The following CDYL variants were observed in gnomAD, a reference collection of about 807,000 sequenced individuals.
CDYL encodes chromodomain Y like, also known as chromodomain Y-like protein.
Under a neutral mutation model 47.3 loss-of-function variants are expected in CDYL, and 8 were observed. The observed-to-expected ratio is 0.17, with a 90% CI of 0.10 to 0.31. The LOEUF (loss-of-function observed/expected upper bound fraction) is 0.31. CDYL is among the 10% of genes least tolerant of loss of function. The pLI, the probability that CDYL is intolerant of heterozygous loss-of-function variation, is 1.00. For missense variants in CDYL, 471 were observed against 701.4 expected (o/e 0.67, Z 3.71); for synonymous variants, 266 against 265.0 (o/e 1.00, Z -0.04).
chr6:4,882,401 A>G (rs189682094), intron 1 of CDYL, among the ~76,000 whole-genome samples: 1 of 152,272 alleles, frequency 6.6e-6, no homozygotes, highest in Admixed American at 6.5e-5. Flanking sequence ...ATAGTTTTAA[A>G]CACAGCTGCC....
rs374323088 is a variant in CDYL, at chr6:4,819,162, CTGTGTGTG to C, written c.24+42369_24+42376del. ...TCTCTCTCTCTCTCTCTCTCTCTCT[CTGTGTGTG>C]TGTGTGTGTGTGTAGCTCTTCACCA... On this transcript the variant is annotated intron_variant, in intron 1 of 6. Coordinates refer to ENST00000397588, the MANE Select transcript of CDYL (RefSeq NM_004824.4). Among the ~76,000 whole-genome samples the C allele has an allele frequency of 1.5e-3, 164 of 111,974 alleles. 2 individuals are homozygous for C. The highest frequency in any genetic ancestry group is 7.2e-3 in the African/African-American group (150 of 20,748). 73.5% of individuals were successfully genotyped at this position (111,974 alleles called of 152,430 possible). A position where few individuals can be genotyped will look rare whatever the true frequency, so the allele number is the denominator to read the frequency against.
chr6:4,860,778 T>C (rs1405483887), intron 1 of CDYL, among the ~76,000 whole-genome samples: 3 of 152,142 alleles, frequency 2.0e-5, no homozygotes, highest in East Asian at 1.9e-4. Context: ...TGGAGTCCGA[T>C]GTTCAAGGGC....
At chr6:4,747,662 T>C (rs1206858303) in intron 3 of CDYL, among the ~76,000 whole-genome samples, 2 of 152,216 alleles carry the variant, frequency 1.3e-5, no homozygotes, top group African/African-American at 4.8e-5. Context: ...ACAACTGCGA[T>C]TGTGGCTGTT....
intron 3 of CDYL, among the ~76,000 whole-genome samples, chr6:4,741,643 A>G (rs1017067760): frequency 1.3e-5 from 2 of 152,140 alleles, no homozygotes; most frequent in African/African-American, 2.4e-5. Context: ...CTTGCAACCC[A>G]ACTACTTTTA....
intron 2 of CDYL, among the ~76,000 whole-genome samples, chr6:4,717,760 TTTG>T (rs1386440297): frequency 2.7e-5 from 4 of 150,164 alleles, no homozygotes; most frequent in Non-Finnish European, 4.4e-5. Context: ...GAAAGGGATT[TTTG>T]TTGTTTTGTT....
At chr6:4,842,874 T>C (rs1760542385) in intron 1 of CDYL, among the ~76,000 whole-genome samples, 1 of 152,204 alleles carries the variant, frequency 6.6e-6, no homozygotes, top group South Asian at 2.1e-4. Context: ...TCCTGTGAGA[T>C]TTATGCTTTA....
intron 4 of CDYL, among the ~76,000 whole-genome samples, chr6:4,942,785 C>T (rs914690891): frequency 1.3e-5 from 2 of 152,208 alleles, no homozygotes; most frequent in Admixed American, 6.5e-5. Context: ...AACCTCTGTC[C>T]TGTGCAGAGG....
At chr6:4,722,044 G>A (rs906005288) in intron 2 of CDYL, among the ~76,000 whole-genome samples, 1 of 151,934 alleles carries the variant, frequency 6.6e-6, no homozygotes, top group Admixed American at 6.6e-5. Flanking sequence ...TAGTAGAGAC[G>A]GGATTTCATC....
chr6:4,897,425 C>T (rs1762315449), intron 2 of CDYL, among the ~76,000 whole-genome samples: 1 of 152,196 alleles, frequency 6.6e-6, no homozygotes, highest in Non-Finnish European at 1.5e-5. Flanking sequence ...TTGAGGAAAA[C>T]CTGGCTGCTT....
At chr6:4,722,442 G>A (rs1582279174) in intron 2 of CDYL, among the ~76,000 whole-genome samples, 1 of 152,286 alleles carries the variant, frequency 6.6e-6, no homozygotes, top group South Asian at 2.1e-4. Context: ...ATTAAATTAT[G>A]ATTATAGAAA....
chr6:4,859,013 G>T (rs565013146), intron 1 of CDYL, among the ~76,000 whole-genome samples: 2 of 152,332 alleles, frequency 1.3e-5, no homozygotes, highest in South Asian at 2.1e-4. Flanking sequence ...TGATGGGTTT[G>T]TGAGAGTATA....
At chr6:4,945,367 A>T (rs1167374852) in intron 5 of CDYL, among the ~76,000 whole-genome samples, 1 of 152,122 alleles carries the variant, frequency 6.6e-6, no homozygotes, top group Admixed American at 6.5e-5. Flanking sequence ...GAGGAGGAGG[A>T]AGGTGACTAG....
intron 2 of CDYL, among the ~76,000 whole-genome samples, chr6:4,925,782 C>T (rs1346144629): frequency 1.3e-5 from 2 of 152,074 alleles, no homozygotes; most frequent in African/African-American, 4.8e-5. Context: ...GCTTCTGAGC[C>T]TAGGAGGTCG....
chr6:4,870,105 C>T (rs879333370), intron 1 of CDYL, among the ~76,000 whole-genome samples: 3 of 151,954 alleles, frequency 2.0e-5, no homozygotes, highest in Non-Finnish European at 2.9e-5. Flanking sequence ...TGATCTTTTG[C>T]ACAGGCTGGA....
At chr6:4,714,787 T>G (rs143989591) in intron 1 of CDYL, 33 of 152,326 alleles carry the variant, frequency 2.2e-4, no homozygotes, top group African/African-American at 7.5e-4. Context: ...CCAACAAACT[T>G]GAGGACTGAC....
At chr6:4,892,423 G>A in intron 2 of CDYL, 44 bp downstream of exon 2, 1 of 1,538,102 alleles carries the variant, frequency 6.5e-7, no homozygotes, top group Non-Finnish European at 8.7e-7. Context: ...TGATCCCAGA[G>A]GGCTCGGGTC....
At chr6:4,867,989 ATC>A (rs1214182051) in intron 1 of CDYL, among the ~76,000 whole-genome samples, 1 of 151,790 alleles carries the variant, frequency 6.6e-6, no homozygotes, top group East Asian at 1.9e-4. Flanking sequence ...TATTTGTGTC[ATC>A]TCTCTTCTTT....
At chr6:4,907,015 A>G (rs1757258732) in intron 2 of CDYL, among the ~76,000 whole-genome samples, 1 of 152,240 alleles carries the variant, frequency 6.6e-6, no homozygotes, top group South Asian at 2.1e-4. Context: ...ATGTGCATGT[A>G]ATAAGCAGTT....
At chr6:4,897,845 C>G (rs1489898576) in intron 2 of CDYL, among the ~76,000 whole-genome samples, 1 of 146,922 alleles carries the variant, frequency 6.8e-6, no homozygotes, top group Non-Finnish European at 1.5e-5. Context: ...ATCATGAGGT[C>G]AGGAGATCAA....
Sources: allele counts gnomAD v4.1 joint callset (sites outside exome capture counted in the v4.1 genomes callset), GRCh38; gene constraint gnomAD v4.1.1; transcripts MANE v1.5; gene names NCBI Gene and HGNC (gene_info 2026-07-23, HGNC 2026-07-21).